HSPG2: variants seen among roughly 807,000 people sequenced by gnomAD.
The protein encoded by HSPG2 is basement membrane-specific heparan sulfate proteoglycan core protein.
Under a neutral mutation model 526.6 loss-of-function variants are expected in HSPG2, and 278 were observed. The ratio of observed to expected loss-of-function variants is 0.53; its 90% CI spans 0.48 to 0.58. HSPG2 has a LOEUF of 0.58. Ranked by LOEUF, HSPG2 falls within the 20% of genes least tolerant of loss-of-function variation. HSPG2 has a pLI of 0.00. For synonymous variants in HSPG2, 2,465 were observed against 2,555.4 expected, an observed-to-expected ratio of 0.96 and a Z score of 1.07; for missense variants, 5,354 against 6,099.5, an observed-to-expected ratio of 0.88 and a Z score of 4.07.
rs762135908 is a variant in HSPG2 at position 21,846,229 on chromosome 1, G to A, written c.8343C>T (p.His2781=). Residue 2781 remains histidine (H), a synonymous_variant, in exon 64 of 97, where the codon CAC becomes CAT. Transcript: ENST00000374695. Reference sequence around the variant, plus strand: ...CACCCGAGTCGGCCGGGGACACATGGTGCAGCCGCAGCCGTGAGCCGCGGG... The same window carrying A: ...CACCCGAGTCGGCCGGGGACACATGATGCAGCCGCAGCCGTGAGCCGCGGG... ...HQTRGSRLRL[H]HVSPADSGEY... is the part of the protein sequence containing the mutation. 1.2e-6 allele frequency: 2 copies of A among 1,612,812 alleles called. No homozygotes were observed. The highest frequency in any genetic ancestry group is 1.3e-5 in the African/African-American group (1 of 74,938).
chr1:21,935,148 G>T (rs183516634), intron 1 of HSPG2, among the ~76,000 whole-genome samples: 2 of 151,698 alleles, frequency 1.3e-5, no homozygotes, highest in Non-Finnish European at 2.9e-5. Flanking sequence ...CTCGTGATCC[G>T]CCCACCGTGG....
Position 21,865,898 on chromosome 1 carries a change from T to A in HSPG2, c.4222-89A>T, listed in dbSNP as rs1400127851. On this transcript the variant is annotated intron_variant, in intron 33 of 96. Coordinates refer to ENST00000374695, the MANE Select transcript of HSPG2 (RefSeq NM_005529.7). The surrounding 1 kb of genome is among the most constrained non-coding windows in gnomAD (Gnocchi z 5.4). ...GTGAGGGATGGAGCATCTGGCGGCC[T>A]TTTTGCACCTGTGCCACACTCCCCC... The A allele has an allele frequency of 4.0e-6, 4 of 990,288 alleles. No homozygotes were observed. The highest frequency in any genetic ancestry group is 6.4e-6 in the Non-Finnish European group (4 of 623,600). 61.3% of individuals were successfully genotyped at this position (990,288 alleles called of 1,614,324 possible).
At chr1:21,934,743 G>A (rs574090230) in intron 1 of HSPG2, among the ~76,000 whole-genome samples, 3 of 151,878 alleles carry the variant, frequency 2.0e-5, no homozygotes, top group African/African-American at 7.2e-5. Flanking sequence ...CTACAGGTAC[G>A]TGCCACCATG....
intron 1 of HSPG2, among the ~76,000 whole-genome samples, chr1:21,923,522 T>C (rs1644102956): frequency 6.6e-6 from 1 of 152,254 alleles, no homozygotes; most frequent in Non-Finnish European, 1.5e-5. Context: ...TCTCTGCTGC[T>C]GTGGGCCCTC....
intron 1 of HSPG2, among the ~76,000 whole-genome samples, chr1:21,925,220 G>C (rs531006301): frequency 6.6e-6 from 1 of 152,240 alleles, no homozygotes; most frequent in South Asian, 2.1e-4. Flanking sequence ...GATGTCAGGC[G>C]CACAGCAGGT....
chr1:21,883,551 C>A (rs2501263), intron 13 of HSPG2, among the ~76,000 whole-genome samples: 81,213 of 151,926 alleles, frequency 0.53, 23,619 homozygotes, highest in Middle Eastern at 0.73. Context: ...TCTTGAACTC[C>A]TGGCCACAAG....
At position 21,824,263 on chromosome 1, in the gene HSPG2, G is replaced by A; in HGVS notation, c.12815+43C>T. ...GGGCAGGACCGGGGGGTGGGGTGCT[G>A]GGACCAGGGAAGGGAGAGGAAGGGC... On this transcript the variant is annotated intron_variant, in intron 94 of 96. Transcript: ENST00000374695. This position sits in a 1 kb window ranked among gnomAD's most constrained non-coding sequence, Gnocchi z 5.9. The A allele has an allele frequency of 6.2e-7, 1 of 1,613,134 alleles. No homozygotes were observed. The highest frequency in any genetic ancestry group is 8.5e-7 in the Non-Finnish European group (1 of 1,179,310).
chr1:21,845,401 C>CA (rs1485396081), intron 64 of HSPG2, among the ~76,000 whole-genome samples: 4 of 151,972 alleles, frequency 2.6e-5, no homozygotes, highest in Admixed American at 2.0e-4. Context: ...TTTTTGGAGA[C>CA]AGAGTCTCAC....
At position 21,893,987 on chromosome 1, in the gene HSPG2, G is replaced by C. The variant is rs1401603749; in HGVS notation, c.244+1935C>G. ...ACAGGATGAGGCAGAGGGAGGAGGC[G>C]CAGAGACAGACACTCAAGGAGTGGG... On this transcript the variant is annotated intron_variant, in intron 3 of 96. Coordinates refer to ENST00000374695, the MANE Select transcript of HSPG2 (RefSeq NM_005529.7). This position sits in a 1 kb window ranked among gnomAD's most constrained non-coding sequence, Gnocchi z 4.3. 6.6e-6 allele frequency among the ~76,000 whole-genome samples: 1 copy of C among 151,962 alleles called. No individual in the cohort carries two copies. The highest frequency in any genetic ancestry group is 1.5e-5 in the Non-Finnish European group (1 of 67,962).
At position 21,844,209 on chromosome 1, in the gene HSPG2, C is replaced by T. The variant is rs779485386; in HGVS notation, c.8555G>A (p.Gly2852Glu). The T allele has an allele frequency of 1.2e-6, 2 of 1,613,808 alleles. No homozygotes were observed. The highest frequency in any genetic ancestry group is 1.1e-5 in the South Asian group (1 of 91,072). The change falls in exon 65 of 97, where the codon GGG becomes GAG. Residue 2852 changes from glycine (G) to glutamate (E), a missense_variant. Transcript: ENST00000374695. ...QTLDLKCVVP[G>E]QAHAQVTWHK... ...CCACGTGACCTGGGCGTGGGCCTGC[C>T]CGGGCACCACGCACTTCAGATCCAG...
At chr1:21,876,723 CCT>C (rs1641098271) in intron 21 of HSPG2, 71 bp from the exon 22 acceptor site, 1 of 1,599,308 alleles carries the variant, frequency 6.3e-7, no homozygotes, top group Admixed American at 1.7e-5. Context: ...CCGAATCCAC[CCT>C]CAGTCCAGAT....
rs570316174 is a variant in HSPG2, at chr1:21,908,241, T to G, written c.64-11931A>C. On this transcript the variant is annotated intron_variant, in intron 1 of 96. Coordinates refer to ENST00000374695, the MANE Select transcript of HSPG2 (RefSeq NM_005529.7). ...TAGACATCAAGGGAATGGGTACTGTTCAAAAAGGAACGCCCCACAAGTGTT... is the reference window on the plus strand; with the variant it reads ...TAGACATCAAGGGAATGGGTACTGTGCAAAAAGGAACGCCCCACAAGTGTT... The G allele has an allele frequency of 7.2e-5, 72 of 1,004,302 alleles. No homozygotes were observed. In the African/African-American group the frequency reaches 9.8e-4, roughly 14 times the overall value. The allele number at this position is 1,004,302 out of a possible 1,614,324, so 62.2% of individuals were successfully genotyped here. A position where few individuals can be genotyped will look rare whatever the true frequency, so the allele number is the denominator to read the frequency against.
intron 1 of HSPG2, chr1:21,908,485 C>T (rs866908579): frequency 1.7e-5 from 15 of 869,276 alleles, no homozygotes; most frequent in East Asian, 9.7e-5. Context: ...TCAACTAAAG[C>T]GCCAGCCTGC....
Position 21,848,237 on chromosome 1 carries a change from T to A in HSPG2, c.7738-144A>T. On this transcript the variant is annotated intron_variant, in intron 59 of 96. Coordinates refer to ENST00000374695, the MANE Select transcript of HSPG2 (RefSeq NM_005529.7). This position sits in a 1 kb window ranked among gnomAD's most constrained non-coding sequence, Gnocchi z 4.9. ...CCTTCGTGAAGCTCCCAGCATGGCA[T>A]GTGGCCTGTCTCTGGGCTGGGGTGG... 1.0e-6 allele frequency: 1 copy of A among 1,001,806 alleles called. No homozygotes were observed. Among genetic ancestry groups the A allele is most frequent in the Non-Finnish European group, 1.5e-6 (1 of 664,918 alleles). The allele number at this position is 1,001,806 out of a possible 1,614,324, so 62.1% of individuals were successfully genotyped here.
rs571657687 is a variant in HSPG2 at position 21,855,530 on chromosome 1, G to T, written c.5847C>A (p.His1949Gln). 2 of 1,608,436 alleles carry T rather than the reference G, an allele frequency of 1.2e-6. No individual in the cohort carries two copies. The highest frequency in any genetic ancestry group is 2.2e-5 in the East Asian group (1 of 44,788). Reference protein sequence around the residue: ...AGQQVARAVLHVHGGGGPRVQ... With the variant: ...AGQQVARAVLQVHGGGGPRVQ... ...CTGAGCCCGGCCTCTCACCATGCAC[G>T]TGGAGCACAGCCCTGGCCACCTGCT... Residue 1949 changes from histidine to glutamine, a missense_variant, in exon 46 of 97, where the codon CAC becomes CAA. By Grantham distance (24) the His-to-Gln change is conservative. Transcript: ENST00000374695.
intron 66 of HSPG2, 144 bp from the exon 67 acceptor site, chr1:21,843,065 C>T: frequency 2.8e-6 from 3 of 1,077,562 alleles, no homozygotes; most frequent in Non-Finnish European, 4.1e-6. Flanking sequence ...GAAGGGTCTC[C>T]TTTCCCTGGG....
Position 21,839,362 on chromosome 1 carries a change from A to C in HSPG2, c.9889+9T>G, listed in dbSNP as rs776895754. 6.2e-7 allele frequency: 1 copy of C among 1,610,348 alleles called. No homozygotes were observed. The highest frequency in any genetic ancestry group is 8.5e-7 in the Non-Finnish European group (1 of 1,179,784). On this transcript the variant is annotated intron_variant, in intron 73 of 96. Transcript: ENST00000374695. This position sits in a 1 kb window ranked among gnomAD's most constrained non-coding sequence, Gnocchi z 4.5. ...ATTTGGTGCAGACAAAGAAGGGATG[A>C]GGCCTTACTCTCCACGTGCAGGATG...
At chr1:21,929,681 C>T (rs1393981499) in intron 1 of HSPG2, among the ~76,000 whole-genome samples, 1 of 151,816 alleles carries the variant, frequency 6.6e-6, no homozygotes, top group Non-Finnish European at 1.5e-5. Context: ...TGGACTCCAC[C>T]TCCTGCCCAC....
At chr1:21,911,375 G>A (rs1167988591) in intron 1 of HSPG2, among the ~76,000 whole-genome samples, 2 of 152,106 alleles carry the variant, frequency 1.3e-5, no homozygotes, top group Non-Finnish European at 2.9e-5. Context: ...TGGGCAGGCT[G>A]GGAAGTCACC....
Sources: allele counts gnomAD v4.1 joint callset (sites outside exome capture counted in the v4.1 genomes callset), GRCh38; gene constraint gnomAD v4.1.1; non-coding constraint Gnocchi (gnomAD v3.1); transcripts MANE v1.5; gene names NCBI Gene and HGNC (gene_info 2026-07-23, HGNC 2026-07-21).